The following MUC12 variants were observed in gnomAD, a reference collection of about 807,000 sequenced individuals.
MUC12 encodes mucin-12.
In MUC12, 172 loss-of-function variants were observed where a neutral mutation model predicts 230.8. The ratio of observed to expected loss-of-function variants is 0.75; its 90% CI spans 0.66 to 0.85. The LOEUF (loss-of-function observed/expected upper bound fraction) is 0.85. Among genes scored for constraint, MUC12 ranks in the 40% least tolerant of loss-of-function variants. The pLI, the probability that MUC12 is intolerant of heterozygous loss-of-function variation, is 0.00. For missense variants in MUC12, 3,506 were observed against 5,920.6 expected, an observed-to-expected ratio of 0.59 and a Z score of 13.38; for synonymous variants, 1,259 against 2,401.9, an observed-to-expected ratio of 0.52 and a Z score of 13.91.
Position 100,991,423 on chromosome 7 carries a change from C to A in MUC12, c.860C>A (p.Thr287Asn), listed in dbSNP as rs1793296945. ...TFQSWPSSKD[T>N]SPAPSGTTSA... is the part of the protein sequence containing the mutation. ...CAGAGCTGGCCAAGCTCAAAGGACA[C>A]TTCGCCTGCACCTTCTGGTACCACA... The change falls in exon 2 of 12, where the codon ACT (threonine) becomes AAT (asparagine). Residue 287 changes from threonine to asparagine, a missense_variant. Physicochemically the swap from Thr to Asn is moderately conservative, Grantham distance 65 (BLOSUM62 0). Coordinates refer to ENST00000536621, the MANE Select transcript of MUC12 (RefSeq NM_001164462.2). 2.0e-6 allele frequency: 3 copies of A among 1,537,716 alleles called. No individual in the cohort carries two copies. The highest frequency in any genetic ancestry group is 1.4e-5 in the African/African-American group (1 of 73,034).
intron 1 of MUC12, among the ~76,000 whole-genome samples, chr7:100,975,554 G>T (rs1793014303): frequency 6.6e-6 from 1 of 152,310 alleles, no homozygotes; most frequent in African/African-American, 2.4e-5. Context: ...TGCTTGAGCA[G>T]GTGCTCTGGA....
At chr7:101,009,986 T>C (rs1382078067) in intron 5 of MUC12, among the ~76,000 whole-genome samples, 1 of 152,066 alleles carries the variant, frequency 6.6e-6, no homozygotes, top group Non-Finnish European at 1.5e-5. Flanking sequence ...AGTCTGGCTG[T>C]AGGGTAGAGA....
Position 101,014,034 on chromosome 7 carries a change from C to T in MUC12, c.15760C>T (p.Leu5254=). The change falls in exon 9 of 12, where the codon CTA becomes TTA. Residue 5254 remains leucine, a synonymous_variant. Transcript: ENST00000536621. Reference sequence around the variant, plus strand: ...GGTGCTGCTGCTCGCATTGATCATCCTAATCATCTTATTCAGCCTATCCCA... The same window carrying T: ...GGTGCTGCTGCTCGCATTGATCATCTTAATCATCTTATTCAGCCTATCCCA... ...MAVLLLALII[L]IILFSLSQRK... is the part of the protein sequence containing the mutation. 6.5e-7 allele frequency: 1 copy of T among 1,536,708 alleles called. No homozygotes were observed. Among genetic ancestry groups the T allele is most frequent in the Non-Finnish European group, 8.7e-7 (1 of 1,146,662 alleles).
chr7:100,982,677 C>A (rs891935370), intron 1 of MUC12, among the ~76,000 whole-genome samples: 12 of 152,104 alleles, frequency 7.9e-5, no homozygotes, highest in African/African-American at 2.9e-4. Flanking sequence ...AGTCCTCCCC[C>A]CTTGGCCTCC....
In MUC12 at chr7:101,004,412, T is replaced by C. The variant is rs1324954741; in HGVS notation, c.13849T>C (p.Phe4617Leu). ...SSPGSTQTMH[F>L]PESSTASGRS... Reference sequence around the variant, plus strand: ...CCCGGGCTCAACTCAAACAATGCACTTCCCTGAAAGCTCCACAGCTTCAGG... The same window carrying C: ...CCCGGGCTCAACTCAAACAATGCACCTCCCTGAAAGCTCCACAGCTTCAGG... The change falls in exon 2 of 12, where the codon TTC (phenylalanine) becomes CTC (leucine). Residue 4617 changes from phenylalanine (F) to leucine (L), a missense_variant. By Grantham distance (22) the Phe-to-Leu change is conservative (BLOSUM62 0). Coordinates refer to ENST00000536621, the MANE Select transcript of MUC12 (RefSeq NM_001164462.2). The C allele has an allele frequency of 6.6e-7, 1 of 1,510,014 alleles. No homozygotes were observed. Among genetic ancestry groups the C allele is most frequent in the South Asian group, 1.2e-5 (1 of 82,448 alleles). The allele number at this position is 1,510,014 out of a possible 1,614,324, so 93.5% of individuals were successfully genotyped here. A position where few individuals can be genotyped will look rare whatever the true frequency, so the allele number is the denominator to read the frequency against.
chr7:100,988,639 C>T (rs1443644034), intron 1 of MUC12, among the ~76,000 whole-genome samples: 1 of 152,160 alleles, frequency 6.6e-6, no homozygotes, highest in Non-Finnish European at 1.5e-5. Context: ...GGGTGACTGC[C>T]TTAGCTCTTC....
intron 1 of MUC12, 30 bp downstream of exon 1, chr7:100,969,719 C>T: frequency 1.3e-6 from 2 of 1,537,304 alleles, no homozygotes; most frequent in Non-Finnish European, 8.7e-7. Context: ...TGCTCCAGGT[C>T]CAGTGCTCCT....
Position 101,004,974 on chromosome 7 carries a change from C to A in MUC12, c.14411C>A (p.Thr4804Asn), listed in dbSNP as rs1562791871. ...ACTTTCCACAGTAAGCCAGGCTCAA[C>A]TGAGACAACACTGTCCCCTGGCAGC... ...STTFHSKPGS[T>N]ETTLSPGSIT... Residue 4804 changes from threonine to asparagine, a missense_variant, in exon 2 of 12, where the codon ACT becomes AAT. Coordinates refer to ENST00000536621, the MANE Select transcript of MUC12 (RefSeq NM_001164462.2). 4 of 1,537,668 alleles carry A rather than the reference C, an allele frequency of 2.6e-6. No homozygotes were observed. Among genetic ancestry groups the A allele is most frequent in the Non-Finnish European group, 3.5e-6 (4 of 1,147,044 alleles).
intron 5 of MUC12, among the ~76,000 whole-genome samples, chr7:101,011,239 G>A (rs1339690639): frequency 2.6e-5 from 4 of 152,118 alleles, no homozygotes; most frequent in African/African-American, 7.2e-5. Flanking sequence ...CCCTGGCTCA[G>A]CGTCGGCACC....
chr7:100,984,616 A>C (rs548544176), intron 1 of MUC12, among the ~76,000 whole-genome samples: 2 of 151,990 alleles, frequency 1.3e-5, no homozygotes, highest in Admixed American at 6.6e-5. Context: ...AGGCCGTCTA[A>C]TCTCTAGCCA....
rs760281996 is a variant in MUC12, at chr7:100,993,916, C to A, written c.3353C>A (p.Ala1118Asp). 46 of 1,490,308 alleles carry A rather than the reference C, an allele frequency of 3.1e-5. 3 individuals carry two copies. Among genetic ancestry groups the A allele is most frequent in the Non-Finnish European group, 7.1e-6 (8 of 1,123,360 alleles). 92.3% of individuals were successfully genotyped at this position (1,490,308 alleles called of 1,614,324 possible). ...PRSPTTTLSP[A>D]SMTSLGVGEE... ...TCACCAACCACAACACTCTCACCTG[C>A]CAGCATGACAAGCCTGGGCGTCGGT... Residue 1118 changes from alanine (A) to aspartate (D), a missense_variant, in exon 2 of 12, where the codon GCC (alanine) becomes GAC (aspartate). Transcript: ENST00000536621.
intron 3 of MUC12, among the ~76,000 whole-genome samples, chr7:101,007,087 T>C (rs1235093038): frequency 1.3e-5 from 2 of 151,912 alleles, no homozygotes; most frequent in East Asian, 3.9e-4. Context: ...GCCTCCTGAG[T>C]AGTTGAGATT....
intron 8 of MUC12, 21 bp from the exon 9 acceptor site, chr7:101,013,892 T>A (rs1272319143): frequency 6.6e-7 from 1 of 1,525,074 alleles, no homozygotes; most frequent in East Asian, 2.5e-5. Flanking sequence ...GGGATCAGCG[T>A]GAGCTTGTCT....
intron 1 of MUC12, among the ~76,000 whole-genome samples, chr7:100,977,028 GT>G (rs1259780255): frequency 8.3e-6 from 1 of 120,350 alleles, no homozygotes; most frequent in East Asian, 2.7e-4. Context: ...TCCAGCCTTG[GT>G]GACAGACCAA....
rs1363722633 is a variant in MUC12, at chr7:100,992,274, T to A, written c.1711T>A (p.Ser571Thr). The stretch of plus-strand genomic sequence containing the variant: ...ATTGTCCCCTGGCAGTACCACAGCA[T>A]CATCCCTTGGTCCAGAATATACTAC... ...TTLSPGSTTA[S>T]SLGPEYTTFH... Residue 571 changes from serine to threonine, a missense_variant, in exon 2 of 12, where the codon TCA (serine) becomes ACA (threonine). Ser to Thr is a moderately conservative substitution (Grantham distance 58). Transcript: ENST00000536621. The A allele has an allele frequency of 1.3e-6, 2 of 1,536,718 alleles. No homozygotes were observed. The highest frequency in any genetic ancestry group is 2.4e-5 in the East Asian group (1 of 40,912).
intron 1 of MUC12, among the ~76,000 whole-genome samples, chr7:100,971,479 G>T (rs1170147715): frequency 5.3e-5 from 8 of 152,304 alleles, no homozygotes; most frequent in African/African-American, 1.9e-4. Flanking sequence ...CACCAGGGAA[G>T]TTCCACCATC....
At position 101,004,825 on chromosome 7, in the gene MUC12, T is replaced by A; in HGVS notation, c.14262T>A (p.Pro4754=). Residue 4754 remains proline (P), a synonymous_variant, in exon 2 of 12, where the codon CCT becomes CCA. Coordinates refer to ENST00000536621, the MANE Select transcript of MUC12 (RefSeq NM_001164462.2). ...GATCACCAGACCAAACACTCTCACC[T>A]GCCAGCATGACAAGCTCCAGCATCA... is the stretch of plus-strand genomic sequence containing the variant. ...SSRSPDQTLS[P]ASMTSSSISG... is the part of the protein sequence containing the mutation. 1 of 1,537,168 alleles carries A rather than the reference T, an allele frequency of 6.5e-7. No homozygotes were observed. Among genetic ancestry groups the A allele is most frequent in the Non-Finnish European group, 8.7e-7 (1 of 1,146,504 alleles).
rs2116300457 is a variant in MUC12, at chr7:100,991,262, A to C, written c.699A>C (p.Thr233=). ...TFHSSPGYTK[T]TRLPDNTTTS... is the part of the protein sequence containing the mutation. Reference sequence around the variant, plus strand: ...ACAGCAGCCCAGGCTACACTAAAACAACACGCTTACCTGACAACACCACAA... The same window carrying C: ...ACAGCAGCCCAGGCTACACTAAAACCACACGCTTACCTGACAACACCACAA... Residue 233 remains threonine (T), a synonymous_variant, in exon 2 of 12, where the codon ACA becomes ACC. Coordinates refer to ENST00000536621, the MANE Select transcript of MUC12 (RefSeq NM_001164462.2). 6.5e-7 allele frequency: 1 copy of C among 1,537,572 alleles called. No individual in the cohort carries two copies. The highest frequency in any genetic ancestry group is 2.4e-5 in the East Asian group (1 of 40,904).
At chr7:101,017,486 AC>A (rs1356150618) in intron 10 of MUC12, 88 bp from the exon 11 acceptor site, 1 of 812,684 alleles carries the variant, frequency 1.2e-6, no homozygotes, top group African/African-American at 1.7e-5. Context: ...TGCCGGGCTG[AC>A]TCTTCCTTTT....
Sources: gnomAD v4.1 joint callset for allele counts (sites outside exome capture counted in the v4.1 genomes callset) on GRCh38, gnomAD v4.1.1 for gene constraint, MANE v1.5 for transcripts, NCBI Gene and HGNC (gene_info 2026-07-23, HGNC 2026-07-21) for gene names.